Variants in COPS3 observed in about 807,000 individuals in gnomAD.
COPS3 encodes the protein COP9 signalosome subunit 3.
Under a neutral mutation model 58.2 loss-of-function variants are expected in COPS3, and 10 were observed. That is an observed-to-expected ratio of 0.17 (90% confidence interval 0.11 to 0.29). The LOEUF is 0.29. Among genes scored for constraint, COPS3 ranks in the 10% least tolerant of loss-of-function variants. The probability of loss-of-function intolerance (pLI) is 1.00; values close to 1 mark genes in which losing one functional copy is unlikely to be tolerated. For missense variants in COPS3, 333 were observed against 510.1 expected (o/e 0.65, Z 3.34); for synonymous variants, 187 against 181.7 (o/e 1.03, Z -0.24).
At chr17:17,249,089 C>G (rs530130850) in intron 9 of COPS3, 50 bp from the exon 10 acceptor site, 2 of 962,888 alleles carry the variant, frequency 2.1e-6, no homozygotes, top group South Asian at 2.8e-5. Context: ...GACCTGAATG[C>G]TATATGAATA....
At chr17:17,278,173 T>C (rs771468789) in intron 1 of COPS3, among the ~76,000 whole-genome samples, 1 of 152,092 alleles carries the variant, frequency 6.6e-6, no homozygotes, top group Non-Finnish European at 1.5e-5. Context: ...AAATTAGGCC[T>C]GAATTGGTAC....
At chr17:17,276,735 A>T (rs150128160) in intron 1 of COPS3, among the ~76,000 whole-genome samples, 5,607 of 151,820 alleles carry the variant, frequency 0.037, 313 homozygotes, top group African/African-American at 0.12. Context: ...CACCTGGCTA[A>T]TTTTTTTGTA....
chr17:17,273,976 C>A (rs574830736), intron 2 of COPS3, among the ~76,000 whole-genome samples: 3 of 152,196 alleles, frequency 2.0e-5, no homozygotes, highest in Non-Finnish European at 4.4e-5. Flanking sequence ...ATGCTTGCAC[C>A]ACTGCACTTC....
intron 8 of COPS3, among the ~76,000 whole-genome samples, chr17:17,259,417 A>G (rs1484463197): frequency 1.3e-5 from 2 of 152,228 alleles, no homozygotes; most frequent in East Asian, 1.9e-4. Context: ...GACATTAAGC[A>G]TATTTTCTAT....
In COPS3 at chr17:17,254,896, G is replaced by C; in HGVS notation, c.986C>G (p.Ser329Cys). 6.2e-7 allele frequency: 1 copy of C among 1,612,726 alleles called. No individual in the cohort carries two copies. The highest frequency in any genetic ancestry group is 1.7e-4 in the Middle Eastern group (1 of 6,056). The change falls in exon 9 of 12, where the codon TCT (serine) becomes TGT (cysteine). Residue 329 changes from serine (S) to cysteine (C), a missense_variant. Coordinates refer to ENST00000268717, the MANE Select transcript of COPS3 (RefSeq NM_003653.4). ...LQDMASRVQL[S>C]GPQEAEKYVL... ...GTATTTCTCTGCCTCCTGAGGTCCA[G>C]ACAACTGCACACGACTTGCCATATC...
At chr17:17,272,476 T>C (rs1469247684) in intron 2 of COPS3, among the ~76,000 whole-genome samples, 1 of 152,150 alleles carries the variant, frequency 6.6e-6, no homozygotes, top group Non-Finnish European at 1.5e-5. Context: ...TTTTAAAAAA[T>C]GGCCATCTCA....
intron 8 of COPS3, among the ~76,000 whole-genome samples, chr17:17,257,689 C>T (rs1249422042): frequency 2.0e-5 from 3 of 149,564 alleles, no homozygotes; most frequent in African/African-American, 4.9e-5. Flanking sequence ...CCCAGCTACT[C>T]GGGAGGCTGA....
At position 17,272,998 on chromosome 17, in the gene COPS3, T is replaced by A. The variant is rs149077607; in HGVS notation, c.186-1990A>T. Among the ~76,000 whole-genome samples, 19 of 152,364 alleles carry A rather than the reference T, an allele frequency of 1.2e-4. No individual in the cohort carries two copies. In the East Asian group the frequency reaches 3.7e-3, roughly 29 times the overall value. ...TAAGACCAAATTAAATAGACCTTATTTTAATTGGGGTTCCTTGTAACCGTG... is the reference window on the plus strand; with the variant it reads ...TAAGACCAAATTAAATAGACCTTATATTAATTGGGGTTCCTTGTAACCGTG... On this transcript the variant is annotated intron_variant, in intron 2 of 11. Coordinates refer to ENST00000268717, the MANE Select transcript of COPS3 (RefSeq NM_003653.4).
rs778945660 is a variant in COPS3, at chr17:17,281,236, G to T, written c.-50C>A. Reference sequence around the variant, plus strand: ...GCGAAGGCAGCACGCGCGGGAAAAGGCTGCCGCTCTGGGAGGAGGGGCCGC... The same window carrying T: ...GCGAAGGCAGCACGCGCGGGAAAAGTCTGCCGCTCTGGGAGGAGGGGCCGC... On this transcript the variant is annotated 5_prime_UTR_variant, in exon 1 of 12. Transcript: ENST00000268717. 1.9e-6 allele frequency: 3 copies of T among 1,581,236 alleles called. No homozygotes were observed. Among genetic ancestry groups the T allele is most frequent in the Non-Finnish European group, 8.6e-7 (1 of 1,162,044 alleles).
At chr17:17,259,950 T>C (rs558927405) in intron 8 of COPS3, among the ~76,000 whole-genome samples, 1 of 152,006 alleles carries the variant, frequency 6.6e-6, no homozygotes, top group African/African-American at 2.4e-5. Context: ...AACAGACAGG[T>C]TGCAAGGCTG....
At chr17:17,248,210 G>A (rs757733373) in intron 10 of COPS3, among the ~76,000 whole-genome samples, 13 of 152,356 alleles carry the variant, frequency 8.5e-5, no homozygotes, top group South Asian at 4.1e-4. Context: ...GCTGGGAATA[G>A]ATAAAGTTAT....
At chr17:17,255,839 A>AAAATTAAAT (rs1555617569) in intron 8 of COPS3, among the ~76,000 whole-genome samples, 1 of 127,392 alleles carries the variant, frequency 7.8e-6, no homozygotes, top group Non-Finnish European at 1.6e-5. Context: ...ACTCCATCTC[A>AAAATTAAAT]AAATAAATAA....
intron 4 of COPS3, among the ~76,000 whole-genome samples, chr17:17,268,730 A>C (rs929971078): frequency 5.9e-5 from 9 of 151,980 alleles, no homozygotes; most frequent in Non-Finnish European, 1.0e-4. Context: ...GAGGCAGGAG[A>C]ATCGCTTGAA....
At chr17:17,259,291 GA>G (rs1372860615) in intron 8 of COPS3, among the ~76,000 whole-genome samples, 1 of 152,102 alleles carries the variant, frequency 6.6e-6, no homozygotes, top group Non-Finnish European at 1.5e-5. Context: ...CTTCCCAAGA[GA>G]AAAAAGCAAT....
At chr17:17,270,592 C>T (rs76157921) in intron 4 of COPS3, among the ~76,000 whole-genome samples, 166 bp downstream of exon 4, 17,216 of 151,800 alleles carry the variant, frequency 0.11, 1,207 homozygotes, top group South Asian at 0.22. Flanking sequence ...TCAGGGGATG[C>T]GGGGACTGCC....
intron 4 of COPS3, among the ~76,000 whole-genome samples, chr17:17,268,319 A>G (rs1191354829): frequency 6.6e-6 from 1 of 152,198 alleles, no homozygotes; most frequent in Non-Finnish European, 1.5e-5. Flanking sequence ...CTTATTATAC[A>G]AGAGACAACA....
intron 8 of COPS3, among the ~76,000 whole-genome samples, chr17:17,257,979 GA>G (rs1158262927): frequency 1.3e-5 from 2 of 152,016 alleles, no homozygotes; most frequent in African/African-American, 4.8e-5. Context: ...TTTCTAGTAA[GA>G]AAAACTTGGC....
At chr17:17,268,350 C>T (rs781392970) in intron 4 of COPS3, among the ~76,000 whole-genome samples, 4 of 152,180 alleles carry the variant, frequency 2.6e-5, no homozygotes, top group African/African-American at 4.8e-5. Context: ...AGGAAAATTA[C>T]TTGTGGCTAA....
intron 1 of COPS3, among the ~76,000 whole-genome samples, chr17:17,279,767 C>T (rs923072930): frequency 5.3e-5 from 8 of 152,198 alleles, no homozygotes; most frequent in Non-Finnish European, 1.2e-4. Flanking sequence ...TACATGGTTT[C>T]TCTCATTGAA....
Sources: allele counts gnomAD v4.1 joint callset (sites outside exome capture counted in the v4.1 genomes callset), GRCh38; gene constraint gnomAD v4.1.1; transcripts MANE v1.5; gene names NCBI Gene and HGNC (gene_info 2026-07-23, HGNC 2026-07-21).